The following ZNF492 variants were observed in gnomAD, a reference collection of about 807,000 sequenced individuals.
ZNF492 encodes zinc finger protein 115 (Y20).
ZNF492 carries 3 observed loss-of-function variants against 6.4 expected under a neutral mutation model. That is an observed-to-expected ratio of 0.47 (90% confidence interval 0.21 to 1.22). The LOEUF is 1.22. ZNF492 is among the 50% of genes most tolerant of loss of function. The pLI is 0.22. For missense variants in ZNF492, 356 were observed against 612.5 expected (o/e 0.58, Z 4.42); for synonymous variants, 112 against 205.3 (o/e 0.55, Z 3.89).
chr19:22,650,214 G>C (rs1971925449), intron 1 of ZNF492, among the ~76,000 whole-genome samples: 1 of 152,074 alleles, frequency 6.6e-6, no homozygotes, highest in South Asian at 2.1e-4. Flanking sequence ...TTCACTTCAG[G>C]CCCTATTTAT....
chr19:22,636,477 C>T (rs1381837304), intron 1 of ZNF492, among the ~76,000 whole-genome samples: 1 of 99,602 alleles, frequency 1.0e-5, no homozygotes, highest in Non-Finnish European at 1.9e-5. Context: ...CCAGCTTCAT[C>T]TATGTTGCTC....
chr19:22,638,391 A>G (rs1971789059), intron 1 of ZNF492, among the ~76,000 whole-genome samples: 1 of 152,108 alleles, frequency 6.6e-6, no homozygotes, highest in Non-Finnish European at 1.5e-5. Flanking sequence ...TGATTTTTGT[A>G]TGTGGTGTAA....
chr19:22,663,129 A>T (rs1422019799), intron 3 of ZNF492, among the ~76,000 whole-genome samples: 1 of 151,984 alleles, frequency 6.6e-6, no homozygotes, highest in East Asian at 1.9e-4. Context: ...TAAGGAAGGG[A>T]TCCAGTTTCA....
intron 3 of ZNF492, among the ~76,000 whole-genome samples, chr19:22,658,175 C>T (rs1271475218): frequency 1.3e-5 from 2 of 151,990 alleles, no homozygotes; most frequent in East Asian, 1.9e-4. Flanking sequence ...CTGTAATCCC[C>T]GGATTTTGGG....
chr19:22,662,127 CCT>C (rs770279153), intron 3 of ZNF492, among the ~76,000 whole-genome samples: 8 of 152,068 alleles, frequency 5.3e-5, no homozygotes, highest in Non-Finnish European at 1.2e-4. Context: ...TGTTCCCCGC[CCT>C]GTGTCCAGGT....
intron 1 of ZNF492, among the ~76,000 whole-genome samples, chr19:22,637,073 A>T (rs1971776315): frequency 6.7e-6 from 1 of 148,800 alleles, no homozygotes; most frequent in Admixed American, 6.8e-5. Flanking sequence ...TTCTTGCCTC[A>T]GCCTCCCAAG....
rs553650119 is a variant in ZNF492, at chr19:22,634,593, T to C, written c.-94+119T>C. 3.8e-5 allele frequency: 41 copies of C among 1,084,730 alleles called. No homozygotes were observed. In the South Asian group the frequency reaches 5.2e-4, roughly 14 times the overall value. The allele number at this position is 1,084,730 out of a possible 1,614,324, so 67.2% of individuals were successfully genotyped here. ...TCGGCTCCACAATCTGCGCCCCAAGTTCGCCTTGCCCAGCCCAGCCTCAGT... is the reference window on the plus strand; with the variant it reads ...TCGGCTCCACAATCTGCGCCCCAAGCTCGCCTTGCCCAGCCCAGCCTCAGT... On this transcript the variant is annotated intron_variant, in intron 1 of 3. Coordinates refer to ENST00000456783, the MANE Select transcript of ZNF492 (RefSeq NM_020855.3).
chr19:22,638,030 C>A (rs1432695182), intron 1 of ZNF492, among the ~76,000 whole-genome samples: 3 of 152,138 alleles, frequency 2.0e-5, no homozygotes, highest in Non-Finnish European at 2.9e-5. Flanking sequence ...GAAGAAAACA[C>A]CCTTTTCATG....
rs565646393 is a variant in ZNF492 at position 22,652,379 on chromosome 19, C to T, written c.-93-928C>T. Among the ~76,000 whole-genome samples the T allele has an allele frequency of 2.2e-3, 245 of 112,580 alleles. 56 individuals carry two copies. The highest frequency in any genetic ancestry group is 0.011 in the African/African-American group (234 of 21,584). The allele number at this position is 112,580 out of a possible 152,430, so 73.9% of individuals were successfully genotyped here. Reference sequence around the variant, plus strand: ...AGTAGCTGGGACTACAGGCGCCCGCCACCTTAGGTTTTCTTTGCATTTATC... The same window carrying T: ...AGTAGCTGGGACTACAGGCGCCCGCTACCTTAGGTTTTCTTTGCATTTATC... On this transcript the variant is annotated intron_variant, in intron 1 of 3. Coordinates refer to ENST00000456783, the MANE Select transcript of ZNF492 (RefSeq NM_020855.3).
rs1204585036 is a variant in ZNF492 at position 22,664,290 on chromosome 19, C to G, written c.621C>G (p.Asn207Lys). Residue 207 changes from asparagine (N) to lysine (K), a missense_variant, in exon 4 of 4, where the codon AAC becomes AAG. By Grantham distance (94) the Asn-to-Lys change is moderately conservative. Coordinates refer to ENST00000456783, the MANE Select transcript of ZNF492 (RefSeq NM_020855.3). ...GCGAAGAGTGTGGAAAAGCCTTTAA[C>G]CGGCTCTCACACCTTACTACACATA... is the stretch of plus-strand genomic sequence containing the variant. ...YKCEECGKAF[N>K]RLSHLTTHKI... The G allele has an allele frequency of 6.3e-7, 1 of 1,583,646 alleles. No homozygotes were observed. The highest frequency in any genetic ancestry group is 1.8e-5 in the Admixed American group (1 of 54,766).
rs1391724331 is a variant in ZNF492, at chr19:22,653,438, G to A, written c.34+5G>A. On this transcript the variant is annotated splice_donor_5th_base_variant and intron_variant, in intron 2 of 3. Coordinates refer to ENST00000456783, the MANE Select transcript of ZNF492 (RefSeq NM_020855.3). ...ACAGAAACCTGGTCTTCGTGGGTGA[G>A]GATAACTTCAATATACAATTCCCTA... 1 of 1,612,840 alleles carries A rather than the reference G, an allele frequency of 6.2e-7. No homozygotes were observed. The highest frequency in any genetic ancestry group is 8.5e-7 in the Non-Finnish European group (1 of 1,179,810).
intron 1 of ZNF492, among the ~76,000 whole-genome samples, chr19:22,641,402 T>C (rs1030006925): frequency 2.0e-5 from 3 of 152,218 alleles, no homozygotes; most frequent in Admixed American, 2.0e-4. Context: ...CATGTACTTG[T>C]ATGATTCAAG....
chr19:22,640,697 C>A (rs895366681), intron 1 of ZNF492, among the ~76,000 whole-genome samples: 2 of 152,158 alleles, frequency 1.3e-5, no homozygotes, highest in African/African-American at 4.8e-5. Flanking sequence ...AGAAGTGGTA[C>A]CAGCTGTCCT....
At chr19:22,651,776 T>A (rs1040587370) in intron 1 of ZNF492, among the ~76,000 whole-genome samples, 2 of 152,088 alleles carry the variant, frequency 1.3e-5, no homozygotes, top group African/African-American at 4.8e-5. Context: ...TGTTCTCCAT[T>A]AGCTGTAAAC....
At chr19:22,660,574 A>G (rs540382354) in intron 3 of ZNF492, among the ~76,000 whole-genome samples, 1 of 150,124 alleles carries the variant, frequency 6.7e-6, no homozygotes, top group Non-Finnish European at 1.5e-5. Context: ...TTATGTTTTT[A>G]CATTGTATAT....
intron 1 of ZNF492, among the ~76,000 whole-genome samples, chr19:22,645,289 C>T (rs1971866797): frequency 6.6e-6 from 1 of 152,178 alleles, no homozygotes; most frequent in South Asian, 2.1e-4. Context: ...TCAAACGATC[C>T]ACCCACCTTG....
At chr19:22,636,636 T>G (rs1971768368) in intron 1 of ZNF492, among the ~76,000 whole-genome samples, 1 of 151,304 alleles carries the variant, frequency 6.6e-6, no homozygotes, top group South Asian at 2.1e-4. Context: ...TATTTTTATT[T>G]TATTATTTTT....
intron 1 of ZNF492, among the ~76,000 whole-genome samples, chr19:22,652,771 G>T (rs75765295): frequency 2.6e-5 from 4 of 152,064 alleles, no homozygotes; most frequent in Admixed American, 2.0e-4. Flanking sequence ...AGTAGAGACA[G>T]GGTTTCACCG....
At chr19:22,654,365 T>G (rs1355923652) in intron 3 of ZNF492, among the ~76,000 whole-genome samples, 4 of 152,112 alleles carry the variant, frequency 2.6e-5, no homozygotes, top group Non-Finnish European at 5.9e-5. Flanking sequence ...GTTAAACTGT[T>G]TTTCAAGTTC....
Sources: gnomAD v4.1 joint callset for allele counts (sites outside exome capture counted in the v4.1 genomes callset) on GRCh38, gnomAD v4.1.1 for gene constraint, MANE v1.5 for transcripts, NCBI Gene and HGNC (gene_info 2026-07-23, HGNC 2026-07-21) for gene names.